NDFIP2: variants seen among roughly 807,000 people sequenced by gnomAD.
The protein encoded by NDFIP2 is NEDD4 family-interacting protein 2.
NDFIP2 carries 19 observed loss-of-function variants against 36.0 expected under a neutral mutation model. The observed-to-expected ratio is 0.53, with a 90% confidence interval of 0.37 to 0.77. NDFIP2 has a LOEUF of 0.77. Among genes scored for constraint, NDFIP2 ranks in the 30% least tolerant of loss-of-function variants. The probability of loss-of-function intolerance (pLI) is 0.00; values close to 1 mark genes in which losing one functional copy is unlikely to be tolerated. For missense variants in NDFIP2, 446 were observed against 435.8 expected, an observed-to-expected ratio of 1.02 and a Z score of -0.21; for synonymous variants, 181 against 167.7, an observed-to-expected ratio of 1.08 and a Z score of -0.61.
At chr13:79,535,318 C>A (rs1875192767) in intron 3 of NDFIP2, among the ~76,000 whole-genome samples, 1 of 152,090 alleles carries the variant, frequency 6.6e-6, no homozygotes, top group African/African-American at 2.4e-5. Flanking sequence ...GGATAGAATT[C>A]TAAAGACAAG....
chr13:79,499,522 G>C (rs1234270594), intron 1 of NDFIP2, among the ~76,000 whole-genome samples: 2 of 151,954 alleles, frequency 1.3e-5, no homozygotes, highest in Non-Finnish European at 2.9e-5. Flanking sequence ...GAACTAATAA[G>C]TGATTATAGC....
chr13:79,491,651 T>C (rs1019686852), intron 1 of NDFIP2, among the ~76,000 whole-genome samples: 1 of 152,232 alleles, frequency 6.6e-6, no homozygotes, highest in Non-Finnish European at 1.5e-5. Flanking sequence ...TCGCAATATG[T>C]TATTTTAGGA....
intron 3 of NDFIP2, among the ~76,000 whole-genome samples, chr13:79,537,350 A>C (rs1036792251): frequency 2.0e-5 from 3 of 151,978 alleles, no homozygotes; most frequent in African/African-American, 7.3e-5. Context: ...ACTTCAAGTG[A>C]TCCACCCACC....
At chr13:79,519,747 A>G (rs1381171713) in intron 1 of NDFIP2, among the ~76,000 whole-genome samples, 1 of 152,174 alleles carries the variant, frequency 6.6e-6, no homozygotes, top group African/African-American at 2.4e-5. Flanking sequence ...ATTTGCTAGA[A>G]TTTTATATAC....
At chr13:79,503,990 C>A (rs151160702) in intron 1 of NDFIP2, among the ~76,000 whole-genome samples, 1 of 152,014 alleles carries the variant, frequency 6.6e-6, no homozygotes, top group Admixed American at 6.6e-5. Context: ...TTTGAGAGGG[C>A]TTTGAGGGAT....
intron 3 of NDFIP2, among the ~76,000 whole-genome samples, chr13:79,539,212 ATG>A (rs968505763): frequency 2.0e-5 from 3 of 151,890 alleles, no homozygotes; most frequent in Non-Finnish European, 2.9e-5. Flanking sequence ...AAGAGGGAAT[ATG>A]TGTGTGTGTG....
intron 1 of NDFIP2, among the ~76,000 whole-genome samples, chr13:79,489,014 C>T (rs1035272982): frequency 6.6e-6 from 1 of 152,184 alleles, no homozygotes; most frequent in Non-Finnish European, 1.5e-5. Context: ...GAGACACAAA[C>T]AAGTTAAATA....
Position 79,481,482 on chromosome 13 carries a change from C to A in NDFIP2, c.279C>A (p.Gly93=). The A allele has an allele frequency of 6.4e-7, 1 of 1,560,656 alleles. No homozygotes were observed. Among genetic ancestry groups the A allele is most frequent in the South Asian group, 1.2e-5 (1 of 84,662 alleles). ...CTCGGAAGCCGGATCCCGAGCCGGG[C>A]AGGATGGATCACCACCAGCCGGGGA... ...SLSRKPDPEP[G]RMDHHQPGTG... Residue 93 remains glycine (G), a synonymous_variant, in exon 1 of 8, where the codon GGC becomes GGA. Coordinates refer to ENST00000218652, the MANE Select transcript of NDFIP2 (RefSeq NM_019080.3).
chr13:79,492,739 C>T (rs1391018409), intron 1 of NDFIP2, among the ~76,000 whole-genome samples: 1 of 152,120 alleles, frequency 6.6e-6, no homozygotes, highest in Non-Finnish European at 1.5e-5. Context: ...ACAACAGGAG[C>T]ACCTGCATAC....
intron 4 of NDFIP2, among the ~76,000 whole-genome samples, chr13:79,541,825 A>G (rs932796788): frequency 6.6e-6 from 1 of 151,980 alleles, no homozygotes; most frequent in Non-Finnish European, 1.5e-5. Context: ...TTCAATTAAA[A>G]CCTTTTGGTG....
chr13:79,551,840 A>T (rs1020182586), intron 7 of NDFIP2, among the ~76,000 whole-genome samples: 2 of 151,366 alleles, frequency 1.3e-5, no homozygotes, highest in East Asian at 3.8e-4. Flanking sequence ...TACTTTTTAA[A>T]GCAAGTACCA....
In NDFIP2 at chr13:79,516,929, T is replaced by C. The variant is rs183508635; in HGVS notation, c.322-3881T>C. 6.3e-4 allele frequency among the ~76,000 whole-genome samples: 96 copies of C among 152,340 alleles called. 1 individual carries two copies. The highest frequency in any genetic ancestry group is 2.2e-3 in the African/African-American group (91 of 41,578). Reference sequence around the variant, plus strand: ...ACCTTAAGATAGAATGAAAGGTTATTATATAGGATACATGCCAATAAAAGT... The same window carrying C: ...ACCTTAAGATAGAATGAAAGGTTATCATATAGGATACATGCCAATAAAAGT... On this transcript the variant is annotated intron_variant, in intron 1 of 7. Transcript: ENST00000218652.
At chr13:79,512,533 A>G (rs868362169) in intron 1 of NDFIP2, among the ~76,000 whole-genome samples, 6 of 152,184 alleles carry the variant, frequency 3.9e-5, no homozygotes, top group African/African-American at 1.4e-4. Context: ...TTTAGGTTCT[A>G]AGGCAACTCT....
chr13:79,509,894 T>C (rs1874016934), intron 1 of NDFIP2, among the ~76,000 whole-genome samples: 2 of 152,156 alleles, frequency 1.3e-5, no homozygotes, highest in Admixed American at 1.3e-4. Context: ...TTTTCACATT[T>C]TTCTGCCTGC....
intron 1 of NDFIP2, among the ~76,000 whole-genome samples, chr13:79,483,237 A>G (rs1484969186): frequency 1.3e-5 from 2 of 152,148 alleles, no homozygotes; most frequent in Non-Finnish European, 2.9e-5. Context: ...TACTTTAGGT[A>G]GGACATCGAT....
chr13:79,543,412 G>C, intron 4 of NDFIP2, 146 bp from the exon 5 acceptor site: 4 of 996,686 alleles, frequency 4.0e-6, no homozygotes, highest in Non-Finnish European at 5.9e-6. Flanking sequence ...CAAAAAGTAG[G>C]CTATAGTCTA....
intron 1 of NDFIP2, among the ~76,000 whole-genome samples, chr13:79,497,822 G>GTGTGTGTA (rs1487088728): frequency 2.6e-5 from 4 of 151,076 alleles, no homozygotes; most frequent in African/African-American, 7.3e-5. Flanking sequence ...GTGTGTGTGT[G>GTGTGTGTA]TGTGTGTATG....
At chr13:79,534,371 T>TTTTG in intron 3 of NDFIP2, among the ~76,000 whole-genome samples, 1 of 149,762 alleles carries the variant, frequency 6.7e-6, no homozygotes, top group Non-Finnish European at 1.5e-5. Flanking sequence ...TTTTTTTTTT[T>TTTTG]TTGATAACAT....
At chr13:79,516,678 A>G (rs1272264333) in intron 1 of NDFIP2, among the ~76,000 whole-genome samples, 1 of 152,190 alleles carries the variant, frequency 6.6e-6, no homozygotes, top group Non-Finnish European at 1.5e-5. Flanking sequence ...TAAAAATTAC[A>G]GTTCTCTTCC....
Sources: allele counts gnomAD v4.1 joint callset (sites outside exome capture counted in the v4.1 genomes callset), GRCh38; gene constraint gnomAD v4.1.1; transcripts MANE v1.5; gene names NCBI Gene and HGNC (gene_info 2026-07-23, HGNC 2026-07-21).